Variants in CSNK1G3 observed in about 807,000 individuals in gnomAD.
CSNK1G3 encodes casein kinase I isoform gamma-3.
Under a neutral mutation model 64.3 loss-of-function variants are expected in CSNK1G3, and 23 were observed. The ratio of observed to expected loss-of-function variants is 0.36; its 90% CI spans 0.26 to 0.51. CSNK1G3 has a LOEUF of 0.51. Ranked by LOEUF, CSNK1G3 falls within the 20% of genes least tolerant of loss-of-function variation. The probability of loss-of-function intolerance (pLI) is 0.96; values close to 1 mark genes in which losing one functional copy is unlikely to be tolerated. For missense variants in CSNK1G3, 357 were observed against 510.5 expected, an observed-to-expected ratio of 0.70 and a Z score of 2.90; for synonymous variants, 158 against 162.2, an observed-to-expected ratio of 0.97 and a Z score of 0.20.
intron 10 of CSNK1G3, among the ~76,000 whole-genome samples, chr5:123,594,400 A>G (rs547700936): frequency 6.6e-6 from 1 of 152,210 alleles, no homozygotes; most frequent in Non-Finnish European, 1.5e-5. Flanking sequence ...AAGGAGATCA[A>G]GGAAGCAGAG....
chr5:123,582,963 A>G (rs999949411), intron 6 of CSNK1G3, among the ~76,000 whole-genome samples: 1 of 152,172 alleles, frequency 6.6e-6, no homozygotes, highest in Non-Finnish European at 1.5e-5. Flanking sequence ...TCAGTAATAG[A>G]TTTGTTTTAC....
At chr5:123,546,068 T>G (rs1431057466) in intron 2 of CSNK1G3, 1 of 430,222 alleles carries the variant, frequency 2.3e-6, no homozygotes, top group African/African-American at 2.0e-5. Context: ...CTATCCAGAT[T>G]ATGAGAAAAC....
rs10069383 is a variant in CSNK1G3 at position 123,516,019 on chromosome 5, T to C, written c.-248+3449T>C. Among the ~76,000 whole-genome samples, 639 of 152,284 alleles carry C rather than the reference T, an allele frequency of 4.2e-3. 1 individual carries two copies. The highest frequency in any genetic ancestry group is 0.014 in the African/African-American group (588 of 41,564). On this transcript the variant is annotated intron_variant, in intron 1 of 12. Coordinates refer to ENST00000345990, the Ensembl canonical transcript of CSNK1G3. Reference sequence around the variant, plus strand: ...TCAGTTTTTTTTTCTGACTTCAAAGTCTTAAGCCACCAATGATCTGTTTTT... The same window carrying C: ...TCAGTTTTTTTTTCTGACTTCAAAGCCTTAAGCCACCAATGATCTGTTTTT...
intron 1 of CSNK1G3, among the ~76,000 whole-genome samples, chr5:123,516,823 T>C (rs551794742): frequency 2.8e-4 from 42 of 152,144 alleles, no homozygotes; most frequent in Middle Eastern, 3.4e-3. Flanking sequence ...AAGTTTAATG[T>C]TTTTTTTCTC....
intron 1 of CSNK1G3, among the ~76,000 whole-genome samples, chr5:123,520,564 G>T (rs1777929444): frequency 6.7e-6 from 1 of 148,908 alleles, no homozygotes; most frequent in South Asian, 2.1e-4. Context: ...TGCTTTCCTT[G>T]TATATTACCA....
intron 11 of CSNK1G3, among the ~76,000 whole-genome samples, 195 bp from the exon 13 acceptor site, chr5:123,605,144 G>C (rs928092909): frequency 6.6e-6 from 1 of 151,752 alleles, no homozygotes. Context: ...TCTTTTTTCT[G>C]TAAGCATAAG....
At chr5:123,591,461 CAT>C (rs1561590492) in intron 10 of CSNK1G3, 47 bp downstream of exon 10, 3 of 1,254,594 alleles carry the variant, frequency 2.4e-6, no homozygotes, top group Non-Finnish European at 3.4e-6. Context: ...ATGATTGAAA[CAT>C]ACACTTTTTT....
intron 2 of CSNK1G3, among the ~76,000 whole-genome samples, chr5:123,550,775 C>G (rs1227072850): frequency 6.6e-6 from 1 of 152,190 alleles, no homozygotes; most frequent in Non-Finnish European, 1.5e-5. Flanking sequence ...CCCTTTCAAT[C>G]ACACCATACA....
At chr5:123,550,773 A>G (rs949650806) in intron 2 of CSNK1G3, among the ~76,000 whole-genome samples, 7 of 152,202 alleles carry the variant, frequency 4.6e-5, no homozygotes, top group East Asian at 1.9e-4. Context: ...CTCCCTTTCA[A>G]TCACACCATA....
Position 123,512,407 on chromosome 5 carries a change from C to T in CSNK1G3, c.-411C>T, listed in dbSNP as rs570030693. 1.0e-3 allele frequency: 155 copies of T among 152,304 alleles called. 1 individual carries two copies. Among genetic ancestry groups the T allele is most frequent in the African/African-American group, 3.5e-3 (147 of 41,458 alleles). The allele number at this position is 152,304 out of a possible 1,614,324, so 9.4% of individuals were successfully genotyped here. A position where few individuals can be genotyped will look rare whatever the true frequency, so the allele number is the denominator to read the frequency against. On this transcript the variant is annotated 5_prime_UTR_variant, in exon 1 of 13. Coordinates refer to ENST00000345990, the Ensembl canonical transcript of CSNK1G3. ...TACCTCTCTCTCTCGCTCCTTCCCC[C>T]CTACCTCGCTCGCTCGCTCGCTCGC...
At chr5:123,598,977 A>C (rs185738948) in intron 10 of CSNK1G3, among the ~76,000 whole-genome samples, 9 of 152,282 alleles carry the variant, frequency 5.9e-5, no homozygotes, top group African/African-American at 2.2e-4. Flanking sequence ...GGAAAGGAAA[A>C]GTTCAGTTGT....
chr5:123,547,684 A>ATG (rs1176031233), intron 2 of CSNK1G3, among the ~76,000 whole-genome samples: 3 of 152,094 alleles, frequency 2.0e-5, no homozygotes, highest in East Asian at 1.9e-4. Context: ...TGGGTCTTTG[A>ATG]TGTGTGTATA....
intron 10 of CSNK1G3, among the ~76,000 whole-genome samples, chr5:123,597,462 T>C (rs1167358727): frequency 6.6e-6 from 1 of 152,154 alleles, no homozygotes; most frequent in Non-Finnish European, 1.5e-5. Context: ...GGTAAGACTA[T>C]GGCTTTCACT....
chr5:123,561,743 C>A (rs1785767187), intron 4 of CSNK1G3, among the ~76,000 whole-genome samples: 2 of 152,192 alleles, frequency 1.3e-5, no homozygotes, highest in South Asian at 4.2e-4. Flanking sequence ...AATTGAGTTC[C>A]CTACCTTCTT....
chr5:123,520,356 AGTT>A (rs1234139028), intron 1 of CSNK1G3, among the ~76,000 whole-genome samples: 1 of 152,060 alleles, frequency 6.6e-6, no homozygotes, highest in Non-Finnish European at 1.5e-5. Context: ...TGTTAATGTC[AGTT>A]GTTTATAAAT....
chr5:123,554,526 G>A (rs2150377453), intron 3 of CSNK1G3, among the ~76,000 whole-genome samples: 1 of 152,318 alleles, frequency 6.6e-6, no homozygotes, highest in Middle Eastern at 3.4e-3. Context: ...TCAGAAAGAG[G>A]TTGGTGAATA....
chr5:123,527,640 G>C (rs1333359937), intron 1 of CSNK1G3, among the ~76,000 whole-genome samples: 2 of 152,096 alleles, frequency 1.3e-5, no homozygotes, highest in Non-Finnish European at 2.9e-5. Flanking sequence ...TGTATTAGTA[G>C]TTATATATTT....
rs1199300861 is a variant in CSNK1G3 at position 123,538,498 on chromosome 5, C to A, written c.-247-6919C>A. On this transcript the variant is annotated intron_variant, in intron 1 of 12. Transcript: ENST00000345990. ...CTTTGTGAAAAGAGTCTATTCAGATCGTTTCTATATTTAAAAAAATGCAGT... is the reference window on the plus strand; with the variant it reads ...CTTTGTGAAAAGAGTCTATTCAGATAGTTTCTATATTTAAAAAAATGCAGT... 2.0e-5 allele frequency among the ~76,000 whole-genome samples: 3 copies of A among 151,950 alleles called. No homozygotes were observed. In the East Asian group the frequency reaches 5.8e-4, roughly 29 times the overall value.
intron 10 of CSNK1G3, 120 bp from the exon 12 acceptor site, chr5:123,604,604 T>C (rs1795027625): frequency 1.9e-6 from 1 of 524,434 alleles, no homozygotes; most frequent in Non-Finnish European, 3.4e-6. Context: ...TCACATTAAC[T>C]TTCTAATTGA....
Sources: gnomAD v4.1 joint callset for allele counts (sites outside exome capture counted in the v4.1 genomes callset) on GRCh38, gnomAD v4.1.1 for gene constraint, MANE v1.5 for transcripts, NCBI Gene and HGNC (gene_info 2026-07-23, HGNC 2026-07-21) for gene names.